NAGPA: variants seen among roughly 807,000 people sequenced by gnomAD.
The protein encoded by NAGPA is alpha-N-acetylglucosaminyl phosphodiesterase.
NAGPA carries 56 observed loss-of-function variants against 48.5 expected under a neutral mutation model. The observed-to-expected ratio is 1.15, with a 90% confidence interval of 0.93 to 1.44. NAGPA has a LOEUF of 1.44. NAGPA is among the 40% of genes most tolerant of loss of function. The probability of loss-of-function intolerance (pLI) is 0.00; values close to 1 mark genes in which losing one functional copy is unlikely to be tolerated. For synonymous variants in NAGPA, 399 were observed against 315.5 expected (o/e 1.26, Z -2.81); for missense variants, 888 against 735.0 (o/e 1.21, Z -2.41).
In NAGPA at chr16:5,025,681, C is replaced by T. The variant is rs199604440; in HGVS notation, c.1345G>A (p.Ala449Thr). The T allele has an allele frequency of 5.7e-5, 92 of 1,603,594 alleles. No homozygotes were observed. Among genetic ancestry groups the T allele is most frequent in the South Asian group, 1.9e-4 (17 of 90,094 alleles). ...AGCGCCAGGGTGAGGGCTAGCCAGG[C>T]GGTCCTGCAGACAGGAGAGAAGCCC... ...AGELSFFTRTAWLALTLALAF... is the reference protein window; with the variant it reads ...AGELSFFTRTTWLALTLALAF... Residue 449 changes from alanine (A) to threonine (T), a missense_variant, in exon 10 of 10, where the codon GCC becomes ACC. By Grantham distance (58) the Ala-to-Thr change is moderately conservative. Coordinates refer to ENST00000312251, the MANE Select transcript of NAGPA (RefSeq NM_016256.4).
At chr16:5,032,491 G>A (rs1446130626) in intron 2 of NAGPA, among the ~76,000 whole-genome samples, 1 of 148,642 alleles carries the variant, frequency 6.7e-6, no homozygotes, top group Non-Finnish European at 1.5e-5. Flanking sequence ...CCACTCCCCC[G>A]TTCCCCACCC....
chr16:5,028,964 A>T lies in NAGPA; in HGVS notation c.836T>A (p.Val279Glu), dbSNP rs762778282. ...CCCATCCAGGTTGATGGCGTTGACC[A>T]CGTCCTGTTTCAGCAGGAACTCCGC... ...EMAEFLLKQD[V>E]VNAINLDGGG... is the part of the protein sequence containing the mutation. The change falls in exon 5 of 10, where the codon GTG (valine) becomes GAG (glutamate). Residue 279 changes from valine to glutamate, a missense_variant. By Grantham distance (121) the Val-to-Glu change is moderately radical (BLOSUM62 -2). Transcript: ENST00000312251. The T allele has an allele frequency of 5.6e-6, 9 of 1,613,974 alleles. No individual in the cohort carries two copies. Among genetic ancestry groups the T allele is most frequent in the Non-Finnish European group, 6.8e-6 (8 of 1,180,040 alleles).
Position 5,028,100 on chromosome 16 carries a change from C to G in NAGPA, c.1006G>C (p.Gly336Arg). ...TGCCCGTCCACGCAGGTCCCGTGGC[C>G]GTGGCAGTCAGGCGGCTGGCAGCGG... ...EPRCQPPDCH[G>R]HGTCVDGHCQ... Residue 336 changes from glycine to arginine, a missense_variant, in exon 6 of 10, where the codon GGC (glycine) becomes CGC (arginine). By Grantham distance (125) the Gly-to-Arg change is moderately radical. Coordinates refer to ENST00000312251, the MANE Select transcript of NAGPA (RefSeq NM_016256.4). 6.2e-7 allele frequency: 1 copy of G among 1,612,582 alleles called. No individual in the cohort carries two copies. Among genetic ancestry groups the G allele is most frequent in the Non-Finnish European group, 8.5e-7 (1 of 1,179,480 alleles).
Position 5,033,150 on chromosome 16 carries a change from C to A in NAGPA, c.542+123G>T, listed in dbSNP as rs1328064678. On this transcript the variant is annotated intron_variant, in intron 2 of 9. Coordinates refer to ENST00000312251, the MANE Select transcript of NAGPA (RefSeq NM_016256.4). This position sits in a 1 kb window ranked among gnomAD's most constrained non-coding sequence, Gnocchi z 4.2. ...ACTCTGCAAGGAAGCGATTCCTATCCCCATTCTGCAGAGGAGGAAACAGGG... is the reference window on the plus strand; with the variant it reads ...ACTCTGCAAGGAAGCGATTCCTATCACCATTCTGCAGAGGAGGAAACAGGG... 1.8e-6 allele frequency: 2 copies of A among 1,138,560 alleles called. No homozygotes were observed. The highest frequency in any genetic ancestry group is 1.4e-5 in the South Asian group (1 of 73,978). The allele number at this position is 1,138,560 out of a possible 1,614,324, so 70.5% of individuals were successfully genotyped here.
chr16:5,026,547 T>A (rs978363717), intron 9 of NAGPA, among the ~76,000 whole-genome samples: 1 of 151,936 alleles, frequency 6.6e-6, no homozygotes, highest in African/African-American at 2.4e-5. Context: ...AAAAAAAGTT[T>A]AAAAAAATGT....
In NAGPA at chr16:5,033,877, A is replaced by C; in HGVS notation, c.38T>G (p.Leu13Arg). 6.5e-7 allele frequency: 1 copy of C among 1,549,314 alleles called. No homozygotes were observed. The highest frequency in any genetic ancestry group is 8.7e-7 in the Non-Finnish European group (1 of 1,146,954). Reference sequence around the variant, plus strand: ...TTCCCAGAGGAAGCCGAATAGTGCAAGCCGGAGGAGAAGCCAGCGACCCGT... The same window carrying C: ...TTCCCAGAGGAAGCCGAATAGTGCACGCCGGAGGAGAAGCCAGCGACCCGT... ...TSTGRWLLLR[L>R]ALFGFLWEAS... The change falls in exon 1 of 10, where the codon CTT becomes CGT. Residue 13 changes from leucine to arginine, a missense_variant. Physicochemically the swap from Leu to Arg is moderately radical, Grantham distance 102. Transcript: ENST00000312251. This position sits in a 1 kb window ranked among gnomAD's most constrained non-coding sequence, Gnocchi z 4.2.
chr16:5,028,968 C>T lies in NAGPA; in HGVS notation c.832G>A (p.Asp278Asn), dbSNP rs759357440. 1.2e-6 allele frequency: 2 copies of T among 1,613,982 alleles called. No individual in the cohort carries two copies. The highest frequency in any genetic ancestry group is 2.2e-5 in the South Asian group (2 of 91,090). ...TCCAGGTTGATGGCGTTGACCACGT[C>T]CTGTTTCAGCAGGAACTCCGCCATT... is the stretch of plus-strand genomic sequence containing the variant. ...WEMAEFLLKQ[D>N]VVNAINLDGG... The change falls in exon 5 of 10, where the codon GAC (aspartate) becomes AAC (asparagine). Residue 278 changes from aspartate (D) to asparagine (N), a missense_variant. Coordinates refer to ENST00000312251, the MANE Select transcript of NAGPA (RefSeq NM_016256.4).
chr16:5,025,119 T>G lies in NAGPA; in HGVS notation c.*359A>C. ...CAGGGGTGCTGGCCAGGATGTGCTG[T>G]TCTGTCATGACGTGGTCACTGAGTC... is the stretch of plus-strand genomic sequence containing the variant. On this transcript the variant is annotated 3_prime_UTR_variant, in exon 10 of 10. Coordinates refer to ENST00000312251, the MANE Select transcript of NAGPA (RefSeq NM_016256.4). 1 of 330,874 alleles carries G rather than the reference T, an allele frequency of 3.0e-6. No individual in the cohort carries two copies. 20.5% of individuals were successfully genotyped at this position (330,874 alleles called of 1,614,324 possible). A position where few individuals can be genotyped will look rare whatever the true frequency, so the allele number is the denominator to read the frequency against.
At chr16:5,030,055 G>C in intron 4 of NAGPA, 1 of 474,488 alleles carries the variant, frequency 2.1e-6, no homozygotes, top group Non-Finnish European at 3.9e-6. Flanking sequence ...CGAGGGACTT[G>C]TCTACGGCAT....
chr16:5,025,889 CAT>C (rs1208594004), intron 9 of NAGPA, among the ~76,000 whole-genome samples: 1 of 151,440 alleles, frequency 6.6e-6, no homozygotes, highest in African/African-American at 2.4e-5. Context: ...CAGAGGCAGT[CAT>C]GACGTACAAT....
chr16:5,026,944 G>A lies in NAGPA; in HGVS notation c.1340+191C>T, dbSNP rs546102981. Among the ~76,000 whole-genome samples, 5 of 152,280 alleles carry A rather than the reference G, an allele frequency of 3.3e-5. No individual in the cohort carries two copies. In the East Asian group the frequency reaches 7.7e-4, roughly 24 times the overall value. ...TCCAGTGGGGGATGCTGACAACAGA[G>A]GCTGGGCACTCGAAGGCCCTGGGCT... On this transcript the variant is annotated intron_variant, in intron 9 of 9. Transcript: ENST00000312251.
At chr16:5,032,057 T>A (rs1956110076) in intron 2 of NAGPA, among the ~76,000 whole-genome samples, 173 bp from the exon 3 acceptor site, 1 of 152,184 alleles carries the variant, frequency 6.6e-6, no homozygotes, top group African/African-American at 2.4e-5. Context: ...ATCTCCCTGT[T>A]GTCAGAGCTG....
intron 7 of NAGPA, among the ~76,000 whole-genome samples, 161 bp from the exon 8 acceptor site, chr16:5,027,540 G>A (rs1482337024): frequency 2.0e-5 from 3 of 152,198 alleles, no homozygotes; most frequent in Non-Finnish European, 4.4e-5. Flanking sequence ...GCCCCTGAAC[G>A]TGACCTTATT....
intron 4 of NAGPA, 89 bp downstream of exon 4, chr16:5,030,296 G>A: frequency 8.2e-7 from 1 of 1,215,128 alleles, no homozygotes; most frequent in Admixed American, 2.0e-5. Flanking sequence ...CCAGAAAGCA[G>A]GTAGAGTCAG....
Position 5,025,540 on chromosome 16 carries a change from C to T in NAGPA, c.1486G>A (p.Gly496Arg), listed in dbSNP as rs746072004. ...TCCTTCTCTGCGGCCAGAGGCTCCC[C>T]GTTCATCTCCTGCAGCGGGTGGTAT... The part of the protein sequence containing the change: ...YAYHPLQEMN[G>R]EPLAAEKEQP... The change falls in exon 10 of 10, where the codon GGG becomes AGG. Residue 496 changes from glycine to arginine, a missense_variant. Coordinates refer to ENST00000312251, the MANE Select transcript of NAGPA (RefSeq NM_016256.4). The T allele has an allele frequency of 1.9e-5, 31 of 1,613,246 alleles. No homozygotes were observed. Among genetic ancestry groups the T allele is most frequent in the Non-Finnish European group, 2.5e-5 (30 of 1,180,014 alleles).
rs1318661308 is a variant in NAGPA, at chr16:5,029,236, G to C, written c.792-228C>G. On this transcript the variant is annotated intron_variant, in intron 4 of 9. Transcript: ENST00000312251. ...AGGAATCCTTAAGGGAGGGGAAACG[G>C]CCCGGAGGATCTGGGTGCAGCCACT... 6.2e-6 allele frequency: 4 copies of C among 641,302 alleles called. No homozygotes were observed. In the African/African-American group the frequency reaches 7.3e-5, roughly 12 times the overall value. The allele number at this position is 641,302 out of a possible 1,614,324, so 39.7% of individuals were successfully genotyped here.
intron 3 of NAGPA, chr16:5,031,430 C>G (rs763701122): frequency 1.1e-5 from 4 of 372,904 alleles, no homozygotes; most frequent in Non-Finnish European, 2.1e-5. Context: ...GCCGATGTTG[C>G]AGGTCCATGA....
chr16:5,027,333 C>T lies in NAGPA; in HGVS notation c.1221G>A (p.Lys407=). ...GGTCACAGGGACAATGGTGCTCACA[C>T]TTACAAGGCCTCTGGCAGCCCGGCC... ...WHGPGCQRPC[K]CEHHCPCDPK... Residue 407 remains lysine, a synonymous_variant, in exon 8 of 10, where the codon AAG becomes AAA. Coordinates refer to ENST00000312251, the MANE Select transcript of NAGPA (RefSeq NM_016256.4). 6.2e-7 allele frequency: 1 copy of T among 1,614,164 alleles called. No homozygotes were observed. The highest frequency in any genetic ancestry group is 1.3e-5 in the African/African-American group (1 of 75,060).
intron 2 of NAGPA, chr16:5,032,874 C>CCA (rs1240405998): frequency 1.5e-5 from 4 of 267,702 alleles, no homozygotes; most frequent in African/African-American, 9.1e-5. Flanking sequence ...TCAAAGGTCA[C>CCA]CTCGGAGAGG....
Sources: gnomAD v4.1 joint callset for allele counts (sites outside exome capture counted in the v4.1 genomes callset) on GRCh38, gnomAD v4.1.1 for gene constraint, Gnocchi (gnomAD v3.1) non-coding constraint, MANE v1.5 for transcripts, NCBI Gene and HGNC (gene_info 2026-07-23, HGNC 2026-07-21) for gene names.